PCDHGB3: variants seen among roughly 807,000 people sequenced by gnomAD.
The protein encoded by PCDHGB3 is protocadherin gamma subfamily B, 3, also known as protocadherin gamma-B3.
A neutral mutation model predicts 59.2 loss-of-function variants in PCDHGB3; 40 were observed. The ratio of observed to expected loss-of-function variants is 0.68; its 90% CI spans 0.52 to 0.88. The LOEUF (loss-of-function observed/expected upper bound fraction) is 0.88. PCDHGB3 is among the 40% of genes least tolerant of loss of function. PCDHGB3 has a pLI of 0.00. For missense variants in PCDHGB3, 1,309 were observed against 1,187.9 expected (o/e 1.10, Z -1.50); for synonymous variants, 581 against 503.6 (o/e 1.15, Z -2.06).
At chr5:141,426,021 A>G (rs1590662256) in intron 1 of PCDHGB3, among the ~76,000 whole-genome samples, 2 of 152,312 alleles carry the variant, frequency 1.3e-5, no homozygotes, top group East Asian at 3.9e-4. Context: ...AGTTTTCTAA[A>G]TAGACTCAGA....
chr5:141,413,235 C>A, intron 1 of PCDHGB3: 1 of 1,613,954 alleles, frequency 6.2e-7, no homozygotes, highest in Non-Finnish European at 8.5e-7. Context: ...TGGTCCTGCT[C>A]TGCCTTTTCT....
At chr5:141,435,719 C>T (rs890713374) in intron 1 of PCDHGB3, among the ~76,000 whole-genome samples, 6 of 152,156 alleles carry the variant, frequency 3.9e-5, no homozygotes, top group Admixed American at 3.3e-4. Context: ...ACACTGAATG[C>T]TAAAGTGTAT....
At chr5:141,414,679 G>A in intron 1 of PCDHGB3, 1 of 1,613,960 alleles carries the variant, frequency 6.2e-7, no homozygotes. Flanking sequence ...CACCATCCAG[G>A]GGGTACCTCT....
Position 141,489,999 on chromosome 5 carries a change from GA to G in PCDHGB3, c.2416-4806del. On this transcript the variant is annotated intron_variant, in intron 1 of 3. Transcript: ENST00000576222. The surrounding 1 kb of genome is among the most constrained non-coding windows in gnomAD (Gnocchi z 4.5). ...CAGTTCTACGTGTGGGAATCCCAGA[GA>G]ATGCACCCATTGGTACTCTGCTGCT... 1 of 1,614,242 alleles carries G rather than the reference GA, an allele frequency of 6.2e-7. No individual in the cohort carries two copies. Among genetic ancestry groups the G allele is most frequent in the Non-Finnish European group, 8.5e-7 (1 of 1,180,032 alleles).
At chr5:141,492,448 G>T (rs2734874) in intron 1 of PCDHGB3, among the ~76,000 whole-genome samples, 50 of 152,334 alleles carry the variant, frequency 3.3e-4, no homozygotes, top group African/African-American at 1.2e-3. Context: ...GTAGCTGATT[G>T]TGCGCGCCTG....
chr5:141,463,438 CTTTTTTTT>C (rs71576115), intron 1 of PCDHGB3, among the ~76,000 whole-genome samples: 7 of 103,252 alleles, frequency 6.8e-5, no homozygotes, highest in East Asian at 2.4e-4. Flanking sequence ...TTTCCTTCTC[CTTTTTTTT>C]TTTTTTTTTT....
chr5:141,375,239 A>G, intron 1 of PCDHGB3: 2 of 1,613,974 alleles, frequency 1.2e-6, no homozygotes, highest in Admixed American at 1.7e-5. Context: ...AACCTGTTCC[A>G]TCCCGAGAAG....
In PCDHGB3 at chr5:141,421,780, G is replaced by A. The variant is rs1259671007; in HGVS notation, c.2415+48971G>A. On this transcript the variant is annotated intron_variant, in intron 1 of 3. Coordinates refer to ENST00000576222, the MANE Select transcript of PCDHGB3 (RefSeq NM_018924.5). ...TAATTACTTTTCCTTGCAACTGCGGGGCAGAACGGATGGGGCCAAGAATCC... is the reference window on the plus strand; with the variant it reads ...TAATTACTTTTCCTTGCAACTGCGGAGCAGAACGGATGGGGCCAAGAATCC... The A allele has an allele frequency of 2.5e-6, 4 of 1,613,856 alleles. No homozygotes were observed. In the South Asian group the frequency reaches 4.4e-5, roughly 18 times the overall value.
intron 1 of PCDHGB3, chr5:141,423,595 G>A: frequency 6.2e-7 from 1 of 1,613,216 alleles, no homozygotes; most frequent in Non-Finnish European, 8.5e-7. Flanking sequence ...TGAGAAAAGC[G>A]AGCCACTCTT....
intron 1 of PCDHGB3, chr5:141,399,217 TTGATCAAAATACA>T (rs2093771382): frequency 6.2e-7 from 1 of 1,613,854 alleles, no homozygotes; most frequent in African/African-American, 1.3e-5. Context: ...ACTAATTGCT[TTGATCAAAATACA>T]TGACCAAGAT....
intron 1 of PCDHGB3, chr5:141,374,346 G>A: frequency 1.2e-6 from 2 of 1,614,048 alleles, no homozygotes; most frequent in South Asian, 2.2e-5. Flanking sequence ...GTCACCGCGG[G>A]TAGGATAGAC....
At chr5:141,400,654 C>A in intron 1 of PCDHGB3, 1 of 1,142,176 alleles carries the variant, frequency 8.8e-7, no homozygotes, top group Non-Finnish European at 1.3e-6. Context: ...AGCTGTCCTA[C>A]CATTCTTTAA....
chr5:141,393,910 T>C, intron 1 of PCDHGB3: 1 of 1,613,998 alleles, frequency 6.2e-7, no homozygotes, highest in Admixed American at 1.7e-5. Flanking sequence ...GGGACAGTAA[T>C]TGCCTTCTTG....
At chr5:141,386,183 A>G (rs201653759) in intron 1 of PCDHGB3, among the ~76,000 whole-genome samples, 1 of 152,230 alleles carries the variant, frequency 6.6e-6, no homozygotes, top group East Asian at 1.9e-4. Context: ...CATCTTATGT[A>G]CACAGATCCT....
chr5:141,423,226 G>A lies in PCDHGB3; in HGVS notation c.2415+50417G>A, dbSNP rs775936938. On this transcript the variant is annotated intron_variant, in intron 1 of 3. Coordinates refer to ENST00000576222, the MANE Select transcript of PCDHGB3 (RefSeq NM_018924.5). The stretch of plus-strand genomic sequence containing the variant: ...CGTCACGCTCACCGTGGCTGTGGCC[G>A]ACAGCATCCCCGAAGTCCTGGCGGA... The A allele has an allele frequency of 2.2e-5, 36 of 1,613,708 alleles. No homozygotes were observed. The highest frequency in any genetic ancestry group is 2.6e-5 in the Non-Finnish European group (31 of 1,180,034).
chr5:141,425,834 C>A (rs925446924), intron 1 of PCDHGB3, among the ~76,000 whole-genome samples: 1 of 152,220 alleles, frequency 6.6e-6, no homozygotes, highest in Non-Finnish European at 1.5e-5. Context: ...CTTTTAAATT[C>A]TCTTTGCTGG....
intron 1 of PCDHGB3, chr5:141,403,154 T>G (rs1166937788): frequency 6.2e-7 from 1 of 1,614,024 alleles, no homozygotes; most frequent in Non-Finnish European, 8.5e-7. Flanking sequence ...CCGCATCGTC[T>G]CTAGAGGTAG....
intron 1 of PCDHGB3, chr5:141,384,066 C>T (rs754340033): frequency 1.6e-5 from 25 of 1,606,462 alleles, no homozygotes; most frequent in Non-Finnish European, 2.0e-5. Context: ...TTCCAGAAAA[C>T]CTACCTTTTA....
At chr5:141,382,924 G>T (rs768027809) in intron 1 of PCDHGB3, 2 of 1,568,666 alleles carry the variant, frequency 1.3e-6, no homozygotes, top group Non-Finnish European at 1.7e-6. Flanking sequence ...GAGGGGCGGG[G>T]ACTACAGAGG....
Sources: gnomAD v4.1 joint callset for allele counts (sites outside exome capture counted in the v4.1 genomes callset) on GRCh38, gnomAD v4.1.1 for gene constraint, Gnocchi (gnomAD v3.1) non-coding constraint, MANE v1.5 for transcripts, NCBI Gene and HGNC (gene_info 2026-07-23, HGNC 2026-07-21) for gene names.